The following EDIL3 variants were observed in gnomAD, a reference collection of about 807,000 sequenced individuals.
EDIL3 encodes the protein EGF like and discoidin domains 3.
EDIL3 carries 37 observed loss-of-function variants against 67.4 expected under a neutral mutation model. The observed-to-expected ratio is 0.55, with a 90% CI of 0.42 to 0.72. The LOEUF (loss-of-function observed/expected upper bound fraction) is 0.72. EDIL3 is among the 30% of genes least tolerant of loss of function. The pLI, the probability that EDIL3 is intolerant of heterozygous loss-of-function variation, is 0.00. For missense variants in EDIL3, 527 were observed against 586.3 expected (o/e 0.90, Z 1.04); for synonymous variants, 195 against 196.3 (o/e 0.99, Z 0.05).
At chr5:84,359,343 T>C (rs1316389591) in intron 1 of EDIL3, among the ~76,000 whole-genome samples, 1 of 152,236 alleles carries the variant, frequency 6.6e-6, no homozygotes, top group Non-Finnish European at 1.5e-5. Context: ...ACTAGATAAA[T>C]GATTTATTAC....
At chr5:83,965,135 T>C (rs1580255795) in intron 9 of EDIL3, among the ~76,000 whole-genome samples, 1 of 152,220 alleles carries the variant, frequency 6.6e-6, no homozygotes, top group East Asian at 1.9e-4. Flanking sequence ...GTCATTGATT[T>C]TTGCAGTAAG....
intron 4 of EDIL3, among the ~76,000 whole-genome samples, chr5:84,174,792 G>T (rs1206340205): frequency 6.6e-6 from 1 of 152,172 alleles, no homozygotes; most frequent in Admixed American, 6.5e-5. Context: ...GTGCTTGGAA[G>T]AACAATCTTT....
intron 4 of EDIL3, among the ~76,000 whole-genome samples, chr5:84,146,598 C>A (rs6872224): frequency 0.014 from 2,138 of 152,224 alleles, 45 homozygotes; most frequent in African/African-American, 0.049. Flanking sequence ...TCCCTTTATT[C>A]GTCTTAGTAA....
At chr5:84,355,903 T>C (rs772516205) in intron 1 of EDIL3, among the ~76,000 whole-genome samples, 1 of 152,156 alleles carries the variant, frequency 6.6e-6, no homozygotes, top group African/African-American at 2.4e-5. Context: ...CTTCCCCTAG[T>C]TGTTCTGTCC....
chr5:84,059,001 G>A (rs1282507575), intron 9 of EDIL3, among the ~76,000 whole-genome samples: 1 of 152,076 alleles, frequency 6.6e-6, no homozygotes, highest in East Asian at 1.9e-4. Context: ...GCTAATGAGA[G>A]CTGAATAAAG....
chr5:84,219,751 T>C (rs1458731370), intron 3 of EDIL3, among the ~76,000 whole-genome samples: 1 of 152,166 alleles, frequency 6.6e-6, no homozygotes, highest in African/African-American at 2.4e-5. Flanking sequence ...TAAAGTGTGG[T>C]ACATATGGAC....
chr5:84,072,131 A>T (rs956552190), intron 6 of EDIL3, among the ~76,000 whole-genome samples: 9 of 152,172 alleles, frequency 5.9e-5, no homozygotes, highest in Non-Finnish European at 1.3e-4. Flanking sequence ...CACTAGATTT[A>T]AAAATGTTAT....
intron 3 of EDIL3, among the ~76,000 whole-genome samples, chr5:84,206,457 C>G (rs148014729): frequency 6.6e-6 from 1 of 152,056 alleles, no homozygotes; most frequent in Non-Finnish European, 1.5e-5. Flanking sequence ...AGTTCAATTC[C>G]TGGGTATCCT....
chr5:84,219,664 A>G (rs1435561925), intron 3 of EDIL3, among the ~76,000 whole-genome samples: 2 of 152,142 alleles, frequency 1.3e-5, no homozygotes, highest in Admixed American at 6.6e-5. Flanking sequence ...CTGCACTCCC[A>G]TGTTTATTGC....
chr5:84,184,841 G>T (rs1057425483), intron 3 of EDIL3, among the ~76,000 whole-genome samples: 1 of 152,058 alleles, frequency 6.6e-6, no homozygotes, highest in Non-Finnish European at 1.5e-5. Flanking sequence ...TTATTTACAC[G>T]CCAAAAGACA....
At chr5:84,061,802 G>T (rs1199476611) in intron 8 of EDIL3, among the ~76,000 whole-genome samples, 1 of 152,078 alleles carries the variant, frequency 6.6e-6, no homozygotes, top group Non-Finnish European at 1.5e-5. Flanking sequence ...GATGGCAATG[G>T]TAAGTCCCCA....
intron 4 of EDIL3, among the ~76,000 whole-genome samples, chr5:84,162,326 G>T (rs1056662728): frequency 1.3e-5 from 2 of 152,066 alleles, no homozygotes; most frequent in African/African-American, 4.8e-5. Flanking sequence ...CAGGACAAGG[G>T]GTCCCTCCTG....
At chr5:83,982,743 A>G (rs1330596551) in intron 9 of EDIL3, among the ~76,000 whole-genome samples, 1 of 152,180 alleles carries the variant, frequency 6.6e-6, no homozygotes, top group Non-Finnish European at 1.5e-5. Context: ...CCTCTGAGTT[A>G]GTTTCTATTA....
At chr5:83,989,830 G>A (rs911674258) in intron 9 of EDIL3, among the ~76,000 whole-genome samples, 2 of 152,160 alleles carry the variant, frequency 1.3e-5, no homozygotes, top group African/African-American at 4.8e-5. Flanking sequence ...GCAGACTGGA[G>A]CTAGAGTTTC....
chr5:84,017,797 A>G (rs770557294), intron 9 of EDIL3, among the ~76,000 whole-genome samples: 2 of 152,112 alleles, frequency 1.3e-5, no homozygotes, highest in African/African-American at 4.8e-5. Context: ...GTTAATACTG[A>G]TCATAAATTG....
At chr5:84,311,070 C>A (rs565112692) in intron 1 of EDIL3, among the ~76,000 whole-genome samples, 15 of 151,738 alleles carry the variant, frequency 9.9e-5, no homozygotes, top group Middle Eastern at 3.4e-3. Flanking sequence ...TCTGTATTTT[C>A]TTGATGAATA....
chr5:84,061,056 G>C (rs1424626783), intron 8 of EDIL3, among the ~76,000 whole-genome samples: 1 of 152,084 alleles, frequency 6.6e-6, no homozygotes, highest in African/African-American at 2.4e-5. Flanking sequence ...TCTTCTGTAA[G>C]AGAGGAATCT....
At chr5:84,221,487 G>A (rs1311228286) in intron 3 of EDIL3, among the ~76,000 whole-genome samples, 1 of 151,842 alleles carries the variant, frequency 6.6e-6, no homozygotes, top group Admixed American at 6.6e-5. Flanking sequence ...CCATATAACA[G>A]GAATTTAAAT....
intron 10 of EDIL3, among the ~76,000 whole-genome samples, chr5:83,962,342 A>C (rs752179778): frequency 1.3e-5 from 2 of 151,452 alleles, no homozygotes; most frequent in South Asian, 2.1e-4. Context: ...TCAGAAAGCT[A>C]GCATTCCTTG....
Sources: allele counts gnomAD v4.1 joint callset (sites outside exome capture counted in the v4.1 genomes callset), GRCh38; gene constraint gnomAD v4.1.1; transcripts MANE v1.5; gene names NCBI Gene and HGNC (gene_info 2026-07-23, HGNC 2026-07-21).